The following FHDC1 variants were observed in gnomAD, a reference collection of about 807,000 sequenced individuals.
The protein encoded by FHDC1 is FH2 domain containing 1.
A neutral mutation model predicts 52.6 loss-of-function variants in FHDC1; 25 were observed. The observed-to-expected ratio is 0.48, with a 90% CI of 0.35 to 0.66. The LOEUF (loss-of-function observed/expected upper bound fraction) is 0.66. FHDC1 is among the 30% of genes least tolerant of loss of function. FHDC1 has a pLI of 0.01. For synonymous variants in FHDC1, 616 were observed against 581.5 expected (o/e 1.06, Z -0.85); for missense variants, 1,459 against 1,452.8 (o/e 1.00, Z -0.07).
rs201646467 is a variant in FHDC1, at chr4:152,975,020, C to A, written c.1729C>A (p.Arg577=). The part of the protein sequence containing the change: ...KFHSLPRSSP[R]QARPTIACLE... Reference sequence around the variant, plus strand: ...CCACAGCCTGCCCCGGAGCAGCCCCCGGCAGGCCCGGCCCACGATAGCCTG... The same window carrying A: ...CCACAGCCTGCCCCGGAGCAGCCCCAGGCAGGCCCGGCCCACGATAGCCTG... Residue 577 remains arginine (R), a synonymous_variant, in exon 12 of 12, where the codon CGG becomes AGG. Coordinates refer to ENST00000511601, the MANE Select transcript of FHDC1 (RefSeq NM_001371116.1). The A allele has an allele frequency of 1.2e-6, 2 of 1,612,614 alleles. No homozygotes were observed. The highest frequency in any genetic ancestry group is 1.7e-6 in the Non-Finnish European group (2 of 1,179,820).
At chr4:152,943,699 T>C in intron 2 of FHDC1, 144 bp downstream of exon 2, 1 of 998,630 alleles carries the variant, frequency 1.0e-6, no homozygotes, top group Non-Finnish European at 1.4e-6. Flanking sequence ...CTAGGCAGGG[T>C]CTTTACGATG....
upstream of FHDC1, among the ~76,000 whole-genome samples, chr4:152,931,653 A>T (rs1739254632): frequency 6.6e-6 from 1 of 152,176 alleles, no homozygotes; most frequent in African/African-American, 2.4e-5. Context: ...CAAATCAGGC[A>T]CTATTGTTGA....
chr4:152,962,965 GT>G, intron 7 of FHDC1, 57 bp from the exon 8 acceptor site: 1 of 1,504,264 alleles, frequency 6.6e-7, no homozygotes, highest in Non-Finnish European at 9.2e-7. Flanking sequence ...GTGTGTGTGT[GT>G]GTGTGTGTGT....
intron 9 of FHDC1, 147 bp downstream of exon 9, chr4:152,965,122 G>A (rs1474190561): frequency 1.4e-6 from 1 of 690,684 alleles, no homozygotes; most frequent in African/African-American, 1.8e-5. Context: ...TAACACAGGT[G>A]TGTGTGCACC....
intron 1 of FHDC1, among the ~76,000 whole-genome samples, chr4:152,936,997 G>A (rs1327028737): frequency 6.6e-6 from 1 of 152,244 alleles, no homozygotes; most frequent in African/African-American, 2.4e-5. Context: ...CTCCGGCCGC[G>A]CGAAGTTCGG....
At chr4:152,942,802 A>T (rs1739610367) in intron 1 of FHDC1, 126 bp from the exon 2 acceptor site, 1 of 422,752 alleles carries the variant, frequency 2.4e-6, no homozygotes, top group South Asian at 6.8e-5. Context: ...GCAACTTGGG[A>T]TGTGTTGCCC....
intron 9 of FHDC1, 29 bp from the exon 10 acceptor site, chr4:152,967,951 A>G (rs1055891060): frequency 6.4e-6 from 10 of 1,561,740 alleles, no homozygotes; most frequent in African/African-American, 2.7e-5. Flanking sequence ...CCTTGTTCCA[A>G]CTGCCCACTC....
chr4:152,974,711 C>T lies in FHDC1; in HGVS notation c.1420C>T (p.Leu474=), dbSNP rs201920603. 90 of 1,513,370 alleles carry T rather than the reference C, an allele frequency of 5.9e-5. No homozygotes were observed. The African/African-American group carries it at 1.2e-3, about 20-fold the overall frequency. The allele number at this position is 1,513,370 out of a possible 1,614,324, so 93.7% of individuals were successfully genotyped here. Residue 474 remains leucine, a synonymous_variant, in exon 12 of 12, where the codon CTG becomes TTG. Coordinates refer to ENST00000511601, the MANE Select transcript of FHDC1 (RefSeq NM_001371116.1). The part of the protein sequence containing the change: ...HDREAQELRQ[L]QRLKEQEQKQ... ...CCGGGAGGCGCAGGAGCTGAGGCAG[C>T]TGCAGAGGCTGAAGGAGCAGGAGCA... is the stretch of plus-strand genomic sequence containing the variant.
chr4:152,933,493 GGGA>G (rs1739285734), upstream of FHDC1, among the ~76,000 whole-genome samples: 1 of 152,060 alleles, frequency 6.6e-6, no homozygotes, highest in South Asian at 2.1e-4. Flanking sequence ...CCAGCACTCT[GGGA>G]GGCTGAGGCG....
At chr4:152,966,283 T>A (rs1457016553) in intron 9 of FHDC1, among the ~76,000 whole-genome samples, 1 of 152,192 alleles carries the variant, frequency 6.6e-6, no homozygotes, top group Non-Finnish European at 1.5e-5. Flanking sequence ...ACTTGGGAAA[T>A]ACAAACAGGT....
chr4:152,954,086 C>T, intron 3 of FHDC1, 131 bp from the exon 4 acceptor site: 2 of 727,056 alleles, frequency 2.8e-6, no homozygotes, highest in Non-Finnish European at 4.6e-6. Flanking sequence ...AGCACTCACA[C>T]AAAACTGCCA....
intron 4 of FHDC1, among the ~76,000 whole-genome samples, chr4:152,958,472 T>C (rs928307198): frequency 6.6e-6 from 1 of 150,842 alleles, no homozygotes; most frequent in Non-Finnish European, 1.5e-5. Flanking sequence ...ATACGGTCTT[T>C]CCATCACCCT....
chr4:152,949,126 A>T (rs1219483867), intron 2 of FHDC1, among the ~76,000 whole-genome samples: 4 of 38,430 alleles, frequency 1.0e-4, no homozygotes, highest in African/African-American at 3.9e-4. Flanking sequence ...AATAATAATA[A>T]GAAGAAGAAG....
At chr4:152,925,986 C>T in the FHDC1 span, among the ~76,000 whole-genome samples, 7 of 151,834 alleles carry the variant, frequency 4.6e-5, no homozygotes, top group African/African-American at 1.7e-4. Context: ...TGTCTGTTTA[C>T]GCTCTTGGGA....
chr4:152,928,029 T>A, the FHDC1 span: 1 of 1,453,574 alleles, frequency 6.9e-7, no homozygotes, highest in African/African-American at 1.4e-5. Flanking sequence ...AACACCTCCC[T>A]GAGTGGCTCC....
At chr4:152,911,870 G>C in the FHDC1 span, 1 of 152,396 alleles carries the variant, frequency 6.6e-6, no homozygotes, top group Non-Finnish European at 1.5e-5. Context: ...TGTGCCTCTA[G>C]TGTGAATTTT....
rs1444648000 is a variant in FHDC1, at chr4:152,975,076, C to T, written c.1785C>T (p.Asp595=). ...CLEPAEVRHQ[D]SSFAHKPQAS... is the part of the protein sequence containing the mutation. ...AGCCTGCAGAAGTGAGGCACCAGGA[C>T]TCCAGCTTTGCACACAAACCTCAGG... The change falls in exon 12 of 12, where the codon GAC becomes GAT. Residue 595 remains aspartate, a synonymous_variant. Transcript: ENST00000511601. The T allele has an allele frequency of 1.2e-6, 2 of 1,612,448 alleles. No individual in the cohort carries two copies. The highest frequency in any genetic ancestry group is 2.2e-5 in the East Asian group (1 of 44,864).
the FHDC1 span, among the ~76,000 whole-genome samples, chr4:152,914,926 G>C: frequency 6.6e-6 from 1 of 151,684 alleles, no homozygotes; most frequent in African/African-American, 2.4e-5. Context: ...AAGCATTATA[G>C]AGTAGTGAGA....
At chr4:152,960,688 T>C in intron 5 of FHDC1, 38 bp downstream of exon 5, 1 of 1,611,580 alleles carries the variant, frequency 6.2e-7, no homozygotes, top group East Asian at 2.2e-5. Context: ...CTTCACGCAG[T>C]AAGATTTTTA....
Sources: gnomAD v4.1 joint callset for allele counts (sites outside exome capture counted in the v4.1 genomes callset) on GRCh38, gnomAD v4.1.1 for gene constraint, MANE v1.5 for transcripts, NCBI Gene and HGNC (gene_info 2026-07-23, HGNC 2026-07-21) for gene names.